The following KIAA1671 variants were observed in gnomAD, a reference collection of about 807,000 sequenced individuals.
KIAA1671 encodes KIAA1671.
KIAA1671 carries 52 observed loss-of-function variants against 131.2 expected under a neutral mutation model. The ratio of observed to expected loss-of-function variants is 0.40; its 90% CI spans 0.32 to 0.50. The LOEUF (loss-of-function observed/expected upper bound fraction) is 0.50, where lower values mean the gene tolerates loss of function less well. Among genes scored for constraint, KIAA1671 ranks in the 20% least tolerant of loss-of-function variants. KIAA1671 has a pLI of 0.73. For missense variants in KIAA1671, 2,360 were observed against 2,364.2 expected (o/e 1.00, Z 0.04); for synonymous variants, 1,003 against 961.6 (o/e 1.04, Z -0.80).
At chr22:25,158,375 C>G (rs1242677843) in intron 6 of KIAA1671, among the ~76,000 whole-genome samples, 1 of 152,134 alleles carries the variant, frequency 6.6e-6, no homozygotes, top group African/African-American at 2.4e-5. Flanking sequence ...CGAACAGACC[C>G]CAGTTCCTGA....
rs1390719601 is a variant in KIAA1671 at position 25,085,779 on chromosome 22, GAGGA to G, written c.4530+36419_4530+36422del. Reference sequence around the variant, plus strand: ...CTGATAAGTGGTGAAGGAAGGAAGGGAGGAAGGGAGGGAGGGAGGGAGGGAGGGA... The same window carrying G: ...CTGATAAGTGGTGAAGGAAGGAAGGGAGGGAGGGAGGGAGGGAGGGAGGGA... On this transcript the variant is annotated intron_variant, in intron 6 of 12. Transcript: ENST00000358431. Among the ~76,000 whole-genome samples, 280 of 87,268 alleles carry G rather than the reference GAGGA, an allele frequency of 3.2e-3. 1 individual carries two copies. The highest frequency in any genetic ancestry group is 0.019 in the African/African-American group (242 of 12,612). 57.3% of individuals were successfully genotyped at this position (87,268 alleles called of 152,430 possible).
In KIAA1671 at chr22:25,039,248, T is replaced by C. The variant is rs2145804651; in HGVS notation, c.2118T>C (p.Pro706=). 1.9e-6 allele frequency: 3 copies of C among 1,552,298 alleles called. No individual in the cohort carries two copies. The highest frequency in any genetic ancestry group is 2.4e-5 in the South Asian group (2 of 84,062). ...PYHTPLRDKY[P]LSENHNNNTF... Reference sequence around the variant, plus strand: ...ACACGCCTCTCCGGGACAAATACCCTTTGTCTGAAAACCACAATAATAACA... The same window carrying C: ...ACACGCCTCTCCGGGACAAATACCCCTTGTCTGAAAACCACAATAATAACA... The change falls in exon 5 of 13, where the codon CCT becomes CCC. Residue 706 remains proline, a synonymous_variant. Transcript: ENST00000358431.
chr22:25,088,906 A>G lies in KIAA1671; in HGVS notation c.4530+39542A>G, dbSNP rs548316957. Among the ~76,000 whole-genome samples the G allele has an allele frequency of 1.9e-4, 29 of 152,334 alleles. No homozygotes were observed. In the South Asian group the frequency reaches 4.6e-3, roughly 24 times the overall value. On this transcript the variant is annotated intron_variant, in intron 6 of 12. Coordinates refer to ENST00000358431, the MANE Select transcript of KIAA1671 (RefSeq NM_001145206.2). ...CACACACACACACGTGCACGCACAC[A>G]TGCACAATTTGCCCTTTGTATCCAT...
In KIAA1671 at chr22:25,032,712, G is replaced by C; in HGVS notation, c.1629+16G>C. 6.7e-7 allele frequency: 1 copy of C among 1,499,202 alleles called. No individual in the cohort carries two copies. Among genetic ancestry groups the C allele is most frequent in the South Asian group, 1.2e-5 (1 of 81,166 alleles). The allele number at this position is 1,499,202 out of a possible 1,614,324, so 92.9% of individuals were successfully genotyped here. A position where few individuals can be genotyped will look rare whatever the true frequency, so the allele number is the denominator to read the frequency against. On this transcript the variant is annotated intron_variant, in intron 4 of 12. Transcript: ENST00000358431. ...GAGAGAAAAGGTAAGGAGTGGCTGT[G>C]TAGCACGTCTCTCATTAACCAGCGG...
chr22:25,106,732 T>C (rs909009701), intron 6 of KIAA1671, among the ~76,000 whole-genome samples: 2 of 152,208 alleles, frequency 1.3e-5, no homozygotes, highest in Non-Finnish European at 2.9e-5. Flanking sequence ...AAAATTAAAA[T>C]TAATGCAAAA....
At chr22:25,001,191 ATATG>A (rs60421755) in intron 1 of KIAA1671, among the ~76,000 whole-genome samples, 2 of 151,506 alleles carry the variant, frequency 1.3e-5, no homozygotes, top group African/African-American at 4.8e-5. Flanking sequence ...ACGTGTGTAT[ATATG>A]TGTGTATGTG....
intron 1 of KIAA1671, among the ~76,000 whole-genome samples, chr22:24,964,130 A>AC (rs1347715377): frequency 7.2e-5 from 11 of 152,046 alleles, no homozygotes; most frequent in African/African-American, 2.4e-4. Flanking sequence ...GGATTTTGAG[A>AC]CCAGCCTGGC....
intron 1 of KIAA1671, among the ~76,000 whole-genome samples, chr22:24,991,045 A>C (rs990256518): frequency 7.1e-4 from 108 of 151,852 alleles, no homozygotes; most frequent in African/African-American, 2.5e-3. Context: ...TTTTTTGAGG[A>C]GTCTCACTCC....
chr22:24,988,724 A>C (rs374634504), intron 1 of KIAA1671, among the ~76,000 whole-genome samples: 1 of 130,658 alleles, frequency 7.7e-6, no homozygotes, highest in African/African-American at 3.2e-5. Flanking sequence ...TGAAAGAGCG[A>C]GACTCCATCT....
rs544826342 is a variant in KIAA1671, at chr22:25,121,234, G to A, written c.4531-49586G>A. Among the ~76,000 whole-genome samples, 7 of 152,142 alleles carry A rather than the reference G, an allele frequency of 4.6e-5. No individual in the cohort carries two copies. In the South Asian group the frequency reaches 1.2e-3, roughly 27 times the overall value. On this transcript the variant is annotated intron_variant, in intron 6 of 12. Transcript: ENST00000358431. ...TCCCAGCACTTTGGGAGGCCGAGGC[G>A]GGCGGATCACAAGGTCAGGAGATTG...
rs139392567 is a variant in KIAA1671 at position 24,987,464 on chromosome 22, C to G, written c.-208+34692C>G. Among the ~76,000 whole-genome samples the G allele has an allele frequency of 1.0e-3, 152 of 152,120 alleles. 1 individual carries two copies. In the East Asian group the frequency reaches 0.029, roughly 29 times the overall value. On this transcript the variant is annotated intron_variant, in intron 1 of 12. Coordinates refer to ENST00000358431, the MANE Select transcript of KIAA1671 (RefSeq NM_001145206.2). Reference sequence around the variant, plus strand: ...GGGATTACAGGTGTGAGCCACTGCGCCTGGCCTATTATTATTTTTTGAGAT... The same window carrying G: ...GGGATTACAGGTGTGAGCCACTGCGGCTGGCCTATTATTATTTTTTGAGAT...
At chr22:25,041,935 G>A (rs997580382) in intron 5 of KIAA1671, among the ~76,000 whole-genome samples, 2 of 151,964 alleles carry the variant, frequency 1.3e-5, no homozygotes, top group African/African-American at 4.8e-5. Context: ...GTAGAGACAG[G>A]GTTTTGCCAT....
At chr22:25,094,726 G>A (rs1930316000) in intron 6 of KIAA1671, among the ~76,000 whole-genome samples, 1 of 152,126 alleles carries the variant, frequency 6.6e-6, no homozygotes, top group African/African-American at 2.4e-5. Flanking sequence ...TGAACACTTA[G>A]GAAGAGGTGT....
At chr22:24,989,233 G>A (rs77900455) in intron 1 of KIAA1671, among the ~76,000 whole-genome samples, 4,512 of 152,192 alleles carry the variant, frequency 0.03, 83 homozygotes, top group Middle Eastern at 0.051. Context: ...TGGCCACCCC[G>A]TCTCCCACCT....
At chr22:25,070,589 C>CAAGAGGGCAACA (rs1568939843) in intron 6 of KIAA1671, among the ~76,000 whole-genome samples, 2 of 152,092 alleles carry the variant, frequency 1.3e-5, no homozygotes, top group African/African-American at 4.8e-5. Context: ...AGGAAACGGG[C>CAAGAGGGCAACA]TTGGTTTGGG....
intron 6 of KIAA1671, among the ~76,000 whole-genome samples, chr22:25,092,715 G>C (rs1324441724): frequency 6.6e-6 from 1 of 152,230 alleles, no homozygotes; most frequent in Non-Finnish European, 1.5e-5. Context: ...GATCTGGGGA[G>C]AAGAGGAACT....
At chr22:25,090,227 T>G (rs915244794) in intron 6 of KIAA1671, among the ~76,000 whole-genome samples, 11 of 152,240 alleles carry the variant, frequency 7.2e-5, no homozygotes, top group African/African-American at 2.7e-4. Context: ...TTAGCTCTAC[T>G]GCTATGCCGG....
chr22:25,157,512 C>A (rs2027886), intron 6 of KIAA1671, among the ~76,000 whole-genome samples: 112,785 of 152,136 alleles, frequency 0.74, 43,059 homozygotes, highest in African/African-American at 0.93. Context: ...TTGTTCTATA[C>A]TTTAGGTTAA....
intron 1 of KIAA1671, among the ~76,000 whole-genome samples, chr22:24,992,957 T>C (rs1319548929): frequency 6.6e-6 from 1 of 151,928 alleles, no homozygotes. Context: ...GTTAAGAAAC[T>C]TACCCATGCT....
Sources: allele counts gnomAD v4.1 joint callset (sites outside exome capture counted in the v4.1 genomes callset), GRCh38; gene constraint gnomAD v4.1.1; transcripts MANE v1.5; gene names NCBI Gene and HGNC (gene_info 2026-07-23, HGNC 2026-07-21).